OPN5: variants seen among roughly 807,000 people sequenced by gnomAD.
OPN5 encodes the protein opsin-5.
In OPN5, 18 loss-of-function variants were observed where a neutral mutation model predicts 41.7. That is an observed-to-expected ratio of 0.43 (90% CI 0.30 to 0.64). OPN5 has a LOEUF of 0.64. Ranked by LOEUF, OPN5 falls within the 30% of genes least tolerant of loss-of-function variation. The pLI, the probability that OPN5 is intolerant of heterozygous loss-of-function variation, is 0.13. For missense variants in OPN5, 318 were observed against 434.5 expected, an observed-to-expected ratio of 0.73 and a Z score of 2.38; for synonymous variants, 178 against 164.3, an observed-to-expected ratio of 1.08 and a Z score of -0.64.
intron 5 of OPN5, among the ~76,000 whole-genome samples, chr6:47,809,242 G>A (rs1383029697): frequency 1.3e-5 from 2 of 152,032 alleles, no homozygotes; most frequent in African/African-American, 4.8e-5. Flanking sequence ...GATGGCCCCT[G>A]GTCTCAGTGC....
intron 6 of OPN5, among the ~76,000 whole-genome samples, chr6:47,820,075 T>C (rs989454187): frequency 6.6e-6 from 1 of 152,072 alleles, no homozygotes; most frequent in Non-Finnish European, 1.5e-5. Context: ...AAAGTTTTAA[T>C]GGAACACAAC....
intron 2 of OPN5, among the ~76,000 whole-genome samples, chr6:47,791,501 G>A (rs1362563186): frequency 1.3e-5 from 2 of 152,200 alleles, no homozygotes; most frequent in Admixed American, 1.3e-4. Context: ...AATTCCTGAA[G>A]CCAGGTCTCT....
intron 6 of OPN5, among the ~76,000 whole-genome samples, chr6:47,813,185 T>C (rs1028717493): frequency 6.6e-6 from 1 of 152,090 alleles, no homozygotes; most frequent in African/African-American, 2.4e-5. Context: ...GAATTGTCAT[T>C]AGAATAGAGA....
intron 5 of OPN5, among the ~76,000 whole-genome samples, chr6:47,811,310 A>G (rs1774192024): frequency 6.6e-6 from 1 of 152,054 alleles, no homozygotes; most frequent in Non-Finnish European, 1.5e-5. Context: ...ACCTCCCCTG[A>G]CCACCTTGGC....
At chr6:47,789,744 C>T (rs1456906746) in intron 2 of OPN5, among the ~76,000 whole-genome samples, 1 of 152,186 alleles carries the variant, frequency 6.6e-6, no homozygotes, top group African/African-American at 2.4e-5. Flanking sequence ...CTCCTGAATA[C>T]TTTTGTAAAC....
At chr6:47,796,369 G>A (rs1303615875) in intron 4 of OPN5, among the ~76,000 whole-genome samples, 2 of 152,100 alleles carry the variant, frequency 1.3e-5, no homozygotes, top group Non-Finnish European at 2.9e-5. Context: ...TTTTCCTTAT[G>A]CCTGTTAGGA....
At chr6:47,825,681 A>G (rs1762771046), downstream of OPN5, 1 of 152,230 alleles carries the variant, frequency 6.6e-6, no homozygotes, top group Non-Finnish European at 1.5e-5. Context: ...TGACTGTAGT[A>G]GCACATCTGG....
At chr6:47,789,783 G>A (rs1438566859) in intron 2 of OPN5, among the ~76,000 whole-genome samples, 1 of 152,178 alleles carries the variant, frequency 6.6e-6, no homozygotes, top group East Asian at 1.9e-4. Flanking sequence ...GGAGAGCTGG[G>A]AGCTAGCACC....
intron 1 of OPN5, 89 bp downstream of exon 1, chr6:47,782,285 A>C (rs1773110318): frequency 5.3e-6 from 7 of 1,322,442 alleles, no homozygotes; most frequent in Non-Finnish European, 7.5e-6. Context: ...TCTGATACTT[A>C]AGTGGATAGT....
chr6:47,810,355 G>C (rs1386543353), intron 5 of OPN5, among the ~76,000 whole-genome samples: 1 of 152,150 alleles, frequency 6.6e-6, no homozygotes, highest in African/African-American at 2.4e-5. Context: ...GTGGATGGTA[G>C]CCACCAGAGG....
chr6:47,822,944 T>C (rs1762678746), intron 6 of OPN5, among the ~76,000 whole-genome samples: 1 of 152,186 alleles, frequency 6.6e-6, no homozygotes, highest in Admixed American at 6.5e-5. Context: ...CTCTCCTGTT[T>C]TCAAAGGACA....
intron 4 of OPN5, among the ~76,000 whole-genome samples, chr6:47,797,530 C>G (rs1297585501): frequency 6.6e-6 from 1 of 152,164 alleles, no homozygotes; most frequent in Non-Finnish European, 1.5e-5. Flanking sequence ...GTACCAGGTA[C>G]TATTTTAGAA....
intron 2 of OPN5, among the ~76,000 whole-genome samples, chr6:47,787,818 G>A (rs1773238033): frequency 1.3e-5 from 2 of 152,142 alleles, no homozygotes; most frequent in East Asian, 1.9e-4. Context: ...ACTTGATCAA[G>A]TTCAGGAGTT....
rs953823828 is a variant in OPN5 at position 47,817,944 on chromosome 6, G to A, written c.1057-6039G>A. Among the ~76,000 whole-genome samples, 4 of 152,118 alleles carry A rather than the reference G, an allele frequency of 2.6e-5. No individual in the cohort carries two copies. In the East Asian group the frequency reaches 7.7e-4, roughly 29 times the overall value. On this transcript the variant is annotated intron_variant, in intron 6 of 6. Transcript: ENST00000371211. ...CTCCAGTGAAACACTAGGGACAAAG[G>A]CCCATTCACCTCTTCAAGAAACCAG...
At chr6:47,823,863 G>T in intron 6 of OPN5, 120 bp from the exon 7 acceptor site, 2 of 762,922 alleles carry the variant, frequency 2.6e-6, no homozygotes, top group East Asian at 2.7e-5. Flanking sequence ...AATGTCCATC[G>T]CAATCCTGGT....
chr6:47,808,606 A>T (rs1774068949), intron 5 of OPN5, among the ~76,000 whole-genome samples: 1 of 152,200 alleles, frequency 6.6e-6, no homozygotes, highest in South Asian at 2.1e-4. Context: ...GTGAGAAGTG[A>T]TTCTTTTTTG....
chr6:47,816,885 G>A (rs1762442604), intron 6 of OPN5, among the ~76,000 whole-genome samples: 1 of 152,086 alleles, frequency 6.6e-6, no homozygotes, highest in Admixed American at 6.6e-5. Context: ...AGAGGAAATA[G>A]GTGATTATTC....
In OPN5 at chr6:47,808,228, T is replaced by C. The variant is rs150360785; in HGVS notation, c.831T>C (p.Phe277=). The change falls in exon 5 of 7, where the codon TTT becomes TTC. Residue 277 remains phenylalanine, a synonymous_variant. Coordinates refer to ENST00000371211, the Ensembl canonical transcript of OPN5. ...CAGTGGTGTCTGTGTGGTCAGCTTT[T>C]GGAAGGCCAGACTCCATTCCCATAC... 357 of 1,614,054 alleles carry C rather than the reference T, an allele frequency of 2.2e-4. No individual in the cohort carries two copies. In the African/African-American group the frequency reaches 4.3e-3, roughly 20 times the overall value.
intron 4 of OPN5, among the ~76,000 whole-genome samples, chr6:47,795,776 TCTCACACACA>T (rs1472678488): frequency 2.0e-4 from 21 of 104,146 alleles, no homozygotes; most frequent in African/African-American, 8.4e-4. Context: ...TCTCTCTCTC[TCTCACACACA>T]CACACACACA....
Sources: gnomAD v4.1 joint callset for allele counts (sites outside exome capture counted in the v4.1 genomes callset) on GRCh38, gnomAD v4.1.1 for gene constraint, MANE v1.5 for transcripts, NCBI Gene and HGNC (gene_info 2026-07-23, HGNC 2026-07-21) for gene names.